Variants in DAP observed in about 807,000 individuals in gnomAD.
The protein encoded by DAP is death-associated protein 1.
DAP carries 8 observed loss-of-function variants against 13.8 expected under a neutral mutation model. The observed-to-expected ratio is 0.58, with a 90% CI of 0.34 to 1.05. The LOEUF is 1.05. Ranked by LOEUF, DAP falls within the 50% of genes least tolerant of loss-of-function variation. The pLI is 0.03. For synonymous variants in DAP, 47 were observed against 47.5 expected (o/e 0.99, Z 0.04); for missense variants, 106 against 133.2 (o/e 0.80, Z 1.01).
rs1737957183 is a variant in DAP, at chr5:10,680,529, C to G, written c.*527G>C. The G allele has an allele frequency of 1.7e-6, 1 of 604,560 alleles. No individual in the cohort carries two copies. 37.4% of individuals were successfully genotyped at this position (604,560 alleles called of 1,614,324 possible). A position where few individuals can be genotyped will look rare whatever the true frequency, so the allele number is the denominator to read the frequency against. ...GCCTCATCAGCCTGCACAGGATCCC[C>G]CATCTCACGAGAGAGGGAAATTTGG... On this transcript the variant is annotated 3_prime_UTR_variant, in exon 4 of 4. Transcript: ENST00000230895.
intron 2 of DAP, among the ~76,000 whole-genome samples, chr5:10,734,702 G>A (rs1372215141): frequency 6.6e-6 from 1 of 152,210 alleles, no homozygotes; most frequent in African/African-American, 2.4e-5. Flanking sequence ...ATCCACAGGT[G>A]TTGGGAGAAA....
intron 1 of DAP, among the ~76,000 whole-genome samples, chr5:10,752,891 T>C (rs1010398385): frequency 6.6e-6 from 1 of 152,220 alleles, no homozygotes; most frequent in Non-Finnish European, 1.5e-5. Context: ...GCTAGTCTTA[T>C]TAAATGGGTT....
At chr5:10,718,144 A>T (rs918212302) in intron 2 of DAP, among the ~76,000 whole-genome samples, 3 of 152,208 alleles carry the variant, frequency 2.0e-5, no homozygotes, top group Non-Finnish European at 4.4e-5. Flanking sequence ...AAGGGAAATG[A>T]TCAGACATTT....
rs1228445819 is a variant in DAP, at chr5:10,679,946, TTCGAGGACGCAGGGTACCCTAC to T, written c.*1088_*1109del. On this transcript the variant is annotated 3_prime_UTR_variant, in exon 4 of 4. Transcript: ENST00000230895. ...TCTGACTAGGTGAACCCTCTGGCTT[TTCGAGGACGCAGGGTACCCTAC>T]TGCCACCAGCCAGTGAGCAGACTAG... The T allele has an allele frequency of 6.6e-6, 1 of 152,372 alleles. No homozygotes were observed. Among genetic ancestry groups the T allele is most frequent in the Non-Finnish European group, 1.5e-5 (1 of 68,068 alleles). 9.4% of individuals were successfully genotyped at this position (152,372 alleles called of 1,614,324 possible).
At chr5:10,688,904 G>A (rs956715193) in intron 2 of DAP, among the ~76,000 whole-genome samples, 1 of 152,166 alleles carries the variant, frequency 6.6e-6, no homozygotes, top group Admixed American at 6.5e-5. Context: ...CTGTGTAGTA[G>A]CTGCCACGTG....
chr5:10,711,939 G>T (rs1435376913), intron 2 of DAP, among the ~76,000 whole-genome samples: 1 of 152,198 alleles, frequency 6.6e-6, no homozygotes, highest in East Asian at 1.9e-4. Context: ...TGTGTGCCAA[G>T]TGAGAGGCTG....
intron 2 of DAP, among the ~76,000 whole-genome samples, chr5:10,694,246 TGGATGATCC>T (rs778863567): frequency 2.6e-5 from 4 of 152,120 alleles, no homozygotes; most frequent in Non-Finnish European, 5.9e-5. Context: ...GCTAGAGTGT[TGGATGATCC>T]GGGTTCAAAT....
Position 10,761,034 on chromosome 5 carries a change from TTA to T in DAP, c.33_34del (p.Lys12SerfsTer32). The stretch of plus-strand genomic sequence containing the variant: ...AGTACCGGCGGGCGGGTGTCCAGCT[TTA>T]GTCTCTAGTTTCCCTTCGGGAGGCG... On this transcript the variant is annotated frameshift_variant, in exon 1 of 4. Transcript: ENST00000230895. LOFTEE classifies it high-confidence loss of function. 8.2e-7 allele frequency: 1 copy of T among 1,214,002 alleles called. No homozygotes were observed. Among genetic ancestry groups the T allele is most frequent in the Non-Finnish European group, 1.0e-6 (1 of 965,034 alleles). 75.2% of individuals were successfully genotyped at this position (1,214,002 alleles called of 1,614,324 possible). A position where few individuals can be genotyped will look rare whatever the true frequency, so the allele number is the denominator to read the frequency against.
chr5:10,683,376 G>A, intron 3 of DAP, 153 bp downstream of exon 3: 3 of 826,412 alleles, frequency 3.6e-6, no homozygotes, highest in Non-Finnish European at 6.2e-6. Flanking sequence ...AGCCTCTGGG[G>A]AAACGCGGCA....
rs1037770787 is a variant in DAP, at chr5:10,697,721, A to T, written c.153-14150T>A. ...ATCCAACAAGACAACTGTCATTGGAATTCCTATTAGAAAGAAGTACACATT... is the reference window on the plus strand; with the variant it reads ...ATCCAACAAGACAACTGTCATTGGATTTCCTATTAGAAAGAAGTACACATT... On this transcript the variant is annotated intron_variant, in intron 2 of 3. Transcript: ENST00000230895. Among the ~76,000 whole-genome samples the T allele has an allele frequency of 3.3e-5, 5 of 152,320 alleles. No homozygotes were observed. In the East Asian group the frequency reaches 9.6e-4, roughly 29 times the overall value.
chr5:10,712,393 C>G (rs1032141990), intron 2 of DAP, among the ~76,000 whole-genome samples: 9 of 152,020 alleles, frequency 5.9e-5, no homozygotes, highest in Non-Finnish European at 1.2e-4. Flanking sequence ...CTCCTGTGGG[C>G]TGGGGTCATA....
Position 10,751,347 on chromosome 5 carries a change from T to C in DAP, c.56-3076A>G, listed in dbSNP as rs538961467. ...TAAAAAGATTTCCCAGCCTACGTAG[T>C]TGGCCTCCCAATCAGAAATGGAGAC... On this transcript the variant is annotated intron_variant, in intron 1 of 3. Coordinates refer to ENST00000230895, the MANE Select transcript of DAP (RefSeq NM_004394.3). Among the ~76,000 whole-genome samples, 12 of 152,300 alleles carry C rather than the reference T, an allele frequency of 7.9e-5. No individual in the cohort carries two copies. In the South Asian group the frequency reaches 2.5e-3, roughly 32 times the overall value.
chr5:10,685,097 T>C (rs1318022782), intron 2 of DAP, among the ~76,000 whole-genome samples: 4 of 152,224 alleles, frequency 2.6e-5, no homozygotes, highest in East Asian at 1.9e-4. Flanking sequence ...ATTCCGAAAG[T>C]TCACTGACTG....
intron 2 of DAP, among the ~76,000 whole-genome samples, chr5:10,689,659 G>A (rs1213128320): frequency 3.9e-5 from 6 of 152,194 alleles, no homozygotes; most frequent in East Asian, 1.9e-4. Context: ...GAGGCCCACC[G>A]GGTGTGGCGA....
rs565120631 is a variant in DAP, at chr5:10,731,437, C to T, written c.152+16738G>A. Among the ~76,000 whole-genome samples the T allele has an allele frequency of 3.9e-4, 59 of 152,300 alleles. No homozygotes were observed. The South Asian group carries it at 0.012, about 32-fold the overall frequency. On this transcript the variant is annotated intron_variant, in intron 2 of 3. Coordinates refer to ENST00000230895, the MANE Select transcript of DAP (RefSeq NM_004394.3). ...CTACCAGCTGCATTGGCTTTGGATCCCGAGCCCTGTGTGAGGGTTCCTGAA... is the reference window on the plus strand; with the variant it reads ...CTACCAGCTGCATTGGCTTTGGATCTCGAGCCCTGTGTGAGGGTTCCTGAA...
intron 2 of DAP, among the ~76,000 whole-genome samples, chr5:10,742,361 C>T (rs1248293390): frequency 1.3e-5 from 2 of 152,050 alleles, no homozygotes; most frequent in African/African-American, 2.4e-5. Flanking sequence ...GGTGAAACCC[C>T]GTCTCTACTA....
chr5:10,733,967 T>G (rs901145446), intron 2 of DAP: 12 of 152,238 alleles, frequency 7.9e-5, no homozygotes, highest in African/African-American at 2.9e-4. Context: ...GGCTCTTACT[T>G]TCATGTGGTT....
At position 10,738,422 on chromosome 5, in the gene DAP, G is replaced by A. The variant is rs1029388190; in HGVS notation, c.152+9753C>T. Among the ~76,000 whole-genome samples the A allele has an allele frequency of 1.3e-4, 20 of 152,202 alleles. No individual in the cohort carries two copies. In the South Asian group the frequency reaches 2.7e-3, roughly 20 times the overall value. On this transcript the variant is annotated intron_variant, in intron 2 of 3. Coordinates refer to ENST00000230895, the MANE Select transcript of DAP (RefSeq NM_004394.3). ...CTGAACAATCAAAGCTGGCATCACC[G>A]GCCATGAGATGGGGAGTGTCGTGTA... is the stretch of plus-strand genomic sequence containing the variant.
chr5:10,706,167 A>C (rs988910496), intron 2 of DAP, among the ~76,000 whole-genome samples: 3 of 152,250 alleles, frequency 2.0e-5, no homozygotes, highest in Admixed American at 6.5e-5. Flanking sequence ...ACAGGGTGTT[A>C]GGATAACTTT....
Sources: gnomAD v4.1 joint callset for allele counts (sites outside exome capture counted in the v4.1 genomes callset) on GRCh38, gnomAD v4.1.1 for gene constraint, MANE v1.5 for transcripts, NCBI Gene and HGNC (gene_info 2026-07-23, HGNC 2026-07-21) for gene names.